The following CSMD1 variants were observed in gnomAD, a reference collection of about 807,000 sequenced individuals.
CSMD1 encodes CUB and Sushi multiple domains 1.
A neutral mutation model predicts 417.5 loss-of-function variants in CSMD1; 213 were observed. The observed-to-expected ratio is 0.51, with a 90% confidence interval of 0.46 to 0.57. The LOEUF (loss-of-function observed/expected upper bound fraction) is 0.57. Ranked by LOEUF, CSMD1 falls within the 20% of genes least tolerant of loss-of-function variation. The probability of loss-of-function intolerance (pLI) is 0.00; values close to 1 mark genes in which losing one functional copy is unlikely to be tolerated. For missense variants in CSMD1, 6,923 were observed against 4,529.7 expected (o/e 1.53, Z -15.17); for synonymous variants, 2,862 against 1,736.8 (o/e 1.65, Z -16.11).
chr8:3,426,565 G>C (rs1813855228), intron 12 of CSMD1, among the ~76,000 whole-genome samples: 1 of 152,140 alleles, frequency 6.6e-6, no homozygotes, highest in Non-Finnish European at 1.5e-5. Context: ...CACCAGGACA[G>C]ATGAAGATAC....
rs1213755268 is a variant in CSMD1 at position 4,228,960 on chromosome 8, C to T, written c.415+190993G>A. Among the ~76,000 whole-genome samples, 10 of 152,086 alleles carry T rather than the reference C, an allele frequency of 6.6e-5. No individual in the cohort carries two copies. In the South Asian group the frequency reaches 2.1e-3, roughly 32 times the overall value. On this transcript the variant is annotated intron_variant, in intron 3 of 69. Coordinates refer to ENST00000635120, the MANE Select transcript of CSMD1 (RefSeq NM_033225.6). ...GGGATTACAGGAGTGAGCCACTGAG[C>T]CAAGCCAGGACCCCTGATTTTAAAG...
chr8:3,312,805 C>CAATT (rs1805451394), intron 23 of CSMD1, among the ~76,000 whole-genome samples: 1 of 151,530 alleles, frequency 6.6e-6, no homozygotes, highest in Non-Finnish European at 1.5e-5. Flanking sequence ...TTCTCAAAGG[C>CAATT]AGTTAGACTT....
rs143571956 is a variant in CSMD1 at position 4,040,192 on chromosome 8, G to T, written c.416-8093C>A. Among the ~76,000 whole-genome samples, 11 of 152,108 alleles carry T rather than the reference G, an allele frequency of 7.2e-5. No homozygotes were observed. The East Asian group carries it at 1.9e-3, about 27-fold the overall frequency. On this transcript the variant is annotated intron_variant, in intron 3 of 69. Coordinates refer to ENST00000635120, the MANE Select transcript of CSMD1 (RefSeq NM_033225.6). ...GCATAGTTGTAATGGAAGTGAAGGA[G>T]AAGGACATCGTAGTTTTTCATTTAG... is the stretch of plus-strand genomic sequence containing the variant.
At chr8:3,975,326 G>T (rs922909575) in intron 5 of CSMD1, among the ~76,000 whole-genome samples, 1 of 152,082 alleles carries the variant, frequency 6.6e-6, no homozygotes, top group Non-Finnish European at 1.5e-5. Context: ...AGAACAGTTT[G>T]GATGTTTGTG....
At chr8:4,664,503 G>A (rs1563095487) in intron 1 of CSMD1, among the ~76,000 whole-genome samples, 1 of 152,130 alleles carries the variant, frequency 6.6e-6, no homozygotes, top group African/African-American at 2.4e-5. Context: ...CAAGGCTGCA[G>A]TGAGCCGTGA....
intron 23 of CSMD1, among the ~76,000 whole-genome samples, chr8:3,336,787 G>A (rs1339390789): frequency 6.6e-6 from 1 of 152,166 alleles, no homozygotes; most frequent in Non-Finnish European, 1.5e-5. Context: ...CTGGCCCTGG[G>A]CTGTGTGTGG....
At chr8:4,404,300 A>G (rs921803777) in intron 3 of CSMD1, among the ~76,000 whole-genome samples, 1 of 152,126 alleles carries the variant, frequency 6.6e-6, no homozygotes, top group Non-Finnish European at 1.5e-5. Flanking sequence ...GTATATTTCA[A>G]TCATGTATTT....
chr8:4,082,397 A>G (rs768306436), intron 3 of CSMD1, among the ~76,000 whole-genome samples: 4 of 152,218 alleles, frequency 2.6e-5, no homozygotes. Flanking sequence ...TTTAAAAACA[A>G]CTACAACAAA....
At chr8:3,300,958 C>CAAAAAAA (rs374180480) in intron 25 of CSMD1, among the ~76,000 whole-genome samples, 18 of 50,540 alleles carry the variant, frequency 3.6e-4, no homozygotes, top group Admixed American at 7.1e-4. Flanking sequence ...GACTCTGTCT[C>CAAAAAAA]AAAAAAAAAA....
intron 3 of CSMD1, among the ~76,000 whole-genome samples, chr8:4,116,054 G>T (rs1802122405): frequency 6.6e-6 from 1 of 151,430 alleles, no homozygotes; most frequent in African/African-American, 2.4e-5. Flanking sequence ...AGGCTAGATT[G>T]TAGTGGCAAT....
At chr8:3,600,593 G>A (rs78510099) in intron 8 of CSMD1, among the ~76,000 whole-genome samples, 3,218 of 152,180 alleles carry the variant, frequency 0.021, 124 homozygotes, top group African/African-American at 0.074. Flanking sequence ...TATTCTCTAC[G>A]ATGGCAAGCA....
At chr8:4,705,328 G>T (rs1044272352) in intron 1 of CSMD1, among the ~76,000 whole-genome samples, 1 of 152,086 alleles carries the variant, frequency 6.6e-6, no homozygotes, top group Non-Finnish European at 1.5e-5. Context: ...ATGTTCTAGA[G>T]ACTCCATTCT....
intron 3 of CSMD1, among the ~76,000 whole-genome samples, chr8:4,169,333 C>A (rs1405328708): frequency 6.6e-6 from 1 of 152,150 alleles, no homozygotes; most frequent in African/African-American, 2.4e-5. Flanking sequence ...TCCCATGTGC[C>A]TTCTTCCATC....
chr8:4,670,403 G>A (rs1805221463), intron 1 of CSMD1, among the ~76,000 whole-genome samples: 1 of 152,134 alleles, frequency 6.6e-6, no homozygotes, highest in South Asian at 2.1e-4. Context: ...GAAGTCATGG[G>A]AAAGAAAATG....
At chr8:3,081,582 A>C (rs1018445586) in intron 49 of CSMD1, among the ~76,000 whole-genome samples, 1 of 152,232 alleles carries the variant, frequency 6.6e-6, no homozygotes, top group South Asian at 2.1e-4. Context: ...TAGTAATTAC[A>C]TTCCCAATTA....
At chr8:3,094,416 T>C (rs1036282522) in intron 47 of CSMD1, among the ~76,000 whole-genome samples, 1 of 152,216 alleles carries the variant, frequency 6.6e-6, no homozygotes, top group Non-Finnish European at 1.5e-5. Flanking sequence ...GTTTTAGGTA[T>C]TCTTAATCCA....
At chr8:4,363,803 T>G (rs1801913865) in intron 3 of CSMD1, among the ~76,000 whole-genome samples, 1 of 152,230 alleles carries the variant, frequency 6.6e-6, no homozygotes, top group Admixed American at 6.5e-5. Flanking sequence ...TCATTTTCTT[T>G]ATAAATTCAT....
intron 37 of CSMD1, among the ~76,000 whole-genome samples, chr8:3,172,637 C>T (rs1342988671): frequency 6.6e-6 from 1 of 152,086 alleles, no homozygotes; most frequent in Non-Finnish European, 1.5e-5. Flanking sequence ...CGTAGGGAAC[C>T]TACAGGACAC....
chr8:3,936,184 G>GA (rs35166741), intron 5 of CSMD1, among the ~76,000 whole-genome samples: 111 of 142,704 alleles, frequency 7.8e-4, no homozygotes, highest in African/African-American at 1.5e-3. Context: ...TAGGGTTTAA[G>GA]AAAAAAAAAA....
Sources: gnomAD v4.1 joint callset for allele counts (sites outside exome capture counted in the v4.1 genomes callset) on GRCh38, gnomAD v4.1.1 for gene constraint, MANE v1.5 for transcripts, NCBI Gene and HGNC (gene_info 2026-07-23, HGNC 2026-07-21) for gene names.